The following PER3 variants were observed in gnomAD, a reference collection of about 807,000 sequenced individuals.
PER3 encodes the protein period circadian protein homolog 3.
Under a neutral mutation model 127.2 loss-of-function variants are expected in PER3, and 107 were observed. That is an observed-to-expected ratio of 0.84 (90% CI 0.72 to 0.99). PER3 has a LOEUF of 0.99. Ranked by LOEUF, PER3 falls within the 50% of genes least tolerant of loss-of-function variation. The pLI, the probability that PER3 is intolerant of heterozygous loss-of-function variation, is 0.00. For missense variants in PER3, 1,560 were observed against 1,525.8 expected (o/e 1.02, Z -0.37); for synonymous variants, 618 against 585.8 (o/e 1.05, Z -0.79).
chr1:7,785,807 C>G (rs1222851185), intron 3 of PER3, among the ~76,000 whole-genome samples: 1 of 152,192 alleles, frequency 6.6e-6, no homozygotes, highest in African/African-American at 2.4e-5. Context: ...AATACCTATG[C>G]AATGTTTTGC....
intron 7 of PER3, among the ~76,000 whole-genome samples, chr1:7,800,774 C>T (rs1006030789): frequency 4.0e-5 from 6 of 150,762 alleles, no homozygotes; most frequent in African/African-American, 1.2e-4. Context: ...TTGCAATGAG[C>T]CGAGATCATG....
intron 5 of PER3, among the ~76,000 whole-genome samples, chr1:7,792,079 C>G (rs981133859): frequency 2.6e-5 from 4 of 152,170 alleles, no homozygotes; most frequent in African/African-American, 9.7e-5. Context: ...TACAAGTTTA[C>G]TGTATTAGTC....
At chr1:7,787,886 G>T (rs2097099691) in intron 4 of PER3, 159 bp from the exon 5 acceptor site, 1 of 622,510 alleles carries the variant, frequency 1.6e-6, no homozygotes, top group African/African-American at 1.8e-5. Flanking sequence ...TAAGAAGCAT[G>T]TTGGAGAAAA....
intron 21 of PER3, among the ~76,000 whole-genome samples, chr1:7,842,284 C>T (rs561020374): frequency 1.7e-4 from 26 of 152,088 alleles, no homozygotes; most frequent in African/African-American, 6.0e-4. Flanking sequence ...GGGCGGATCA[C>T]GAGGTCAGGG....
intron 10 of PER3, among the ~76,000 whole-genome samples, chr1:7,806,125 T>C (rs964237442): frequency 1.3e-5 from 2 of 152,124 alleles, no homozygotes; most frequent in African/African-American, 4.8e-5. Flanking sequence ...TAAATAAAAA[T>C]GGCACTGTCA....
At position 7,826,524 on chromosome 1, in the gene PER3, C is replaced by T; in HGVS notation, c.2002C>T (p.Gln668Ter). Reference protein sequence around the residue: ...LFCEPWTLNMQPAPLTSEEFK... With the variant: ...LFCEPWTLNM ...CTGTGAGCCCTGGACCCTGAACATG[C>T]AGCCAGCCCCTTTGACCTCGGAAGA... The change falls in exon 17 of 22, where the codon CAG becomes TAG. Residue 668 changes from glutamine (Q) to a stop codon, truncating the protein, a stop_gained. Coordinates refer to ENST00000377532, the MANE Select transcript of PER3 (RefSeq NM_001377275.1). LOFTEE classifies it high-confidence loss of function. This position sits in a 1 kb window ranked among gnomAD's most constrained non-coding sequence, Gnocchi z 4.2. The T allele has an allele frequency of 3.7e-6, 6 of 1,613,910 alleles. No individual in the cohort carries two copies. Among genetic ancestry groups the T allele is most frequent in the Non-Finnish European group, 5.1e-6 (6 of 1,179,768 alleles).
At chr1:7,832,050 T>G (rs1031643534) in intron 19 of PER3, among the ~76,000 whole-genome samples, 3 of 152,154 alleles carry the variant, frequency 2.0e-5, no homozygotes, top group Non-Finnish European at 4.4e-5. Flanking sequence ...AACAACAAAT[T>G]TAAATATTTT....
intron 20 of PER3, among the ~76,000 whole-genome samples, chr1:7,836,305 G>A (rs2097358310): frequency 1.3e-5 from 2 of 152,122 alleles, no homozygotes; most frequent in Non-Finnish European, 2.9e-5. Context: ...AGCCTCCCAA[G>A]TAGTTGGGAT....
chr1:7,812,113 T>C (rs944256255), intron 13 of PER3, among the ~76,000 whole-genome samples: 1 of 152,224 alleles, frequency 6.6e-6, no homozygotes, highest in Non-Finnish European at 1.5e-5. Context: ...GTCCTGCTAG[T>C]CCTGCTCACA....
intron 10 of PER3, among the ~76,000 whole-genome samples, chr1:7,808,112 A>G (rs1254699638): frequency 6.6e-6 from 1 of 151,440 alleles, no homozygotes; most frequent in African/African-American, 2.4e-5. Context: ...GTGCACCTGT[A>G]ATCCCAGCTA....
At chr1:7,801,836 C>T (rs1016251241) in intron 8 of PER3, among the ~76,000 whole-genome samples, 2 of 152,052 alleles carry the variant, frequency 1.3e-5, no homozygotes, top group Non-Finnish European at 2.9e-5. Context: ...TTTTTCCCCA[C>T]ATTTATTTTA....
In PER3 at chr1:7,835,262, A is replaced by G. The variant is rs116026655; in HGVS notation, c.3215-500A>G. On this transcript the variant is annotated intron_variant, in intron 19 of 21. Transcript: ENST00000377532. The stretch of plus-strand genomic sequence containing the variant: ...TACCCTGTTATATGTGACTTTCTGT[A>G]TGTATTTGGCGACTTGGGTTTAGGT... Among the ~76,000 whole-genome samples the G allele has an allele frequency of 2.9e-3, 434 of 152,234 alleles. 4 individuals carry two copies. Among genetic ancestry groups the G allele is most frequent in the African/African-American group, 1.0e-2 (414 of 41,540 alleles).
At position 7,830,093 on chromosome 1, in the gene PER3, C is replaced by T. The variant is rs144178755; in HGVS notation, c.3146C>T (p.Thr1049Ile). 1.3e-3 allele frequency: 2,082 copies of T among 1,612,762 alleles called. 11 individuals carry two copies. In the Middle Eastern group the frequency reaches 0.014, roughly 11 times the overall value. ...LPPSRTPSHPTATVLSTGSPP... is the reference protein window; with the variant it reads ...LPPSRTPSHPIATVLSTGSPP... ...CCCAGCAGGACTCCATCCCATCCTACTGCCACTGTTCTGTCCACGGGGTCA... is the reference window on the plus strand; with the variant it reads ...CCCAGCAGGACTCCATCCCATCCTATTGCCACTGTTCTGTCCACGGGGTCA... The change falls in exon 19 of 22, where the codon ACT becomes ATT. Residue 1049 changes from threonine (T) to isoleucine (I), a missense_variant. Physicochemically the swap from Thr to Ile is moderately conservative, Grantham distance 89. Transcript: ENST00000377532.
At position 7,838,095 on chromosome 1, in the gene PER3, A is replaced by G. The variant is rs78054796; in HGVS notation, c.3549+946A>G. On this transcript the variant is annotated intron_variant, in intron 21 of 21. Transcript: ENST00000377532. ...TGTGTGTGTAAAAATATTTTTAAAA[A>G]AGAGAGTAAAGTTAGGTGTTAAAGT... is the stretch of plus-strand genomic sequence containing the variant. Among the ~76,000 whole-genome samples the G allele has an allele frequency of 4.4e-3, 670 of 152,228 alleles. 4 individuals carry two copies. Among genetic ancestry groups the G allele is most frequent in the African/African-American group, 0.015 (613 of 41,536 alleles).
In PER3 at chr1:7,842,907, C is replaced by T; in HGVS notation, c.*152C>T. Reference sequence around the variant, plus strand: ...TTTAATACACGTAATCTTTTTGAAGCAGACATTGTATACAGAATCTTACTT... The same window carrying T: ...TTTAATACACGTAATCTTTTTGAAGTAGACATTGTATACAGAATCTTACTT... On this transcript the variant is annotated 3_prime_UTR_variant, in exon 22 of 22. Coordinates refer to ENST00000377532, the MANE Select transcript of PER3 (RefSeq NM_001377275.1). 1.9e-6 allele frequency: 1 copy of T among 523,854 alleles called. No individual in the cohort carries two copies. The highest frequency in any genetic ancestry group is 3.3e-6 in the Non-Finnish European group (1 of 305,936). The allele number at this position is 523,854 out of a possible 1,614,324, so 32.5% of individuals were successfully genotyped here. A position where few individuals can be genotyped will look rare whatever the true frequency, so the allele number is the denominator to read the frequency against.
intron 5 of PER3, among the ~76,000 whole-genome samples, chr1:7,791,398 G>A (rs941798952): frequency 6.6e-6 from 1 of 152,246 alleles, no homozygotes; most frequent in East Asian, 1.9e-4. Context: ...GGCTGGAGGT[G>A]AAGCAGCTGG....
intron 7 of PER3, 152 bp from the exon 8 acceptor site, chr1:7,800,961 G>A: frequency 3.3e-6 from 2 of 602,134 alleles, no homozygotes; most frequent in Non-Finnish European, 5.9e-6. Context: ...TCATTTAACT[G>A]TAGCTTTGGC....
intron 10 of PER3, among the ~76,000 whole-genome samples, chr1:7,805,294 G>GT (rs1341965290): frequency 2.6e-5 from 4 of 152,196 alleles, no homozygotes; most frequent in Non-Finnish European, 5.9e-5. Flanking sequence ...GAGAAGTTAT[G>GT]TTTTTTGGTA....
chr1:7,840,622 C>T (rs190230673), intron 21 of PER3, among the ~76,000 whole-genome samples: 2 of 147,520 alleles, frequency 1.4e-5, no homozygotes, highest in African/African-American at 5.0e-5. Flanking sequence ...CCAGCTTTTT[C>T]TTTTTCTTTC....
Sources: allele counts gnomAD v4.1 joint callset (sites outside exome capture counted in the v4.1 genomes callset), GRCh38; gene constraint gnomAD v4.1.1; non-coding constraint Gnocchi (gnomAD v3.1); transcripts MANE v1.5; gene names NCBI Gene and HGNC (gene_info 2026-07-23, HGNC 2026-07-21).